The following CDK13 variants were observed in gnomAD, a reference collection of about 807,000 sequenced individuals.
CDK13 encodes the protein cyclin-dependent kinase 13.
In CDK13, 40 loss-of-function variants were observed where a neutral mutation model predicts 137.6. The observed-to-expected ratio is 0.29, with a 90% CI of 0.23 to 0.38. CDK13 has a LOEUF of 0.38. Among genes scored for constraint, CDK13 ranks in the 10% least tolerant of loss-of-function variants. CDK13 has a pLI of 1.00. For synonymous variants in CDK13, 869 were observed against 760.1 expected, an observed-to-expected ratio of 1.14 and a Z score of -2.36; for missense variants, 1,704 against 1,951.8, an observed-to-expected ratio of 0.87 and a Z score of 2.39.
intron 1 of CDK13, among the ~76,000 whole-genome samples, chr7:39,954,541 T>G (rs1787347316): frequency 1.3e-5 from 2 of 152,162 alleles, no homozygotes; most frequent in Non-Finnish European, 2.9e-5. Flanking sequence ...AAATGTTGAA[T>G]AGGTGTAAAT....
At chr7:40,003,153 T>TACACACACACACACACACAC (rs71560157) in intron 5 of CDK13, among the ~76,000 whole-genome samples, 3 of 119,894 alleles carry the variant, frequency 2.5e-5, no homozygotes, top group African/African-American at 1.0e-4. Flanking sequence ...CTTCCCCAGC[T>TACACACACACACACACACAC]ACACACACAC....
At chr7:40,091,202 G>A (rs774187736) in intron 12 of CDK13, among the ~76,000 whole-genome samples, 8 of 152,070 alleles carry the variant, frequency 5.3e-5, no homozygotes, top group Non-Finnish European at 8.8e-5. Flanking sequence ...AAAATTAGCC[G>A]GGCGTGGTGG....
At chr7:40,036,748 C>T (rs1785495227) in intron 5 of CDK13, among the ~76,000 whole-genome samples, 1 of 150,738 alleles carries the variant, frequency 6.6e-6, no homozygotes, top group Admixed American at 6.6e-5. Context: ...AAGTGAATCT[C>T]AGGCTCATTG....
intron 1 of CDK13, among the ~76,000 whole-genome samples, chr7:39,957,290 A>T (rs894390704): frequency 1.3e-5 from 2 of 151,580 alleles, no homozygotes; most frequent in African/African-American, 4.8e-5. Context: ...ATTCATCTAG[A>T]TAAAAGTTAG....
At chr7:40,082,975 C>T (rs191293834) in intron 11 of CDK13, among the ~76,000 whole-genome samples, 29 of 151,296 alleles carry the variant, frequency 1.9e-4, no homozygotes, top group Admixed American at 1.3e-3. Context: ...TGGTGGCACA[C>T]GCCTGTAATC....
chr7:40,082,719 AG>A (rs1392751349), intron 11 of CDK13, among the ~76,000 whole-genome samples: 1 of 146,990 alleles, frequency 6.8e-6, no homozygotes, highest in Non-Finnish European at 1.5e-5. Flanking sequence ...TGAGCCTGGG[AG>A]GTGGAGATTG....
intron 9 of CDK13, chr7:40,073,629 G>A (rs1263429743): frequency 7.0e-6 from 1 of 143,384 alleles, no homozygotes; most frequent in African/African-American, 2.7e-5. Flanking sequence ...GCCTCGCTGT[G>A]TTGCCAGGCT....
At chr7:40,022,167 CT>C (rs1360574546) in intron 5 of CDK13, among the ~76,000 whole-genome samples, 1 of 152,170 alleles carries the variant, frequency 6.6e-6, no homozygotes, top group Non-Finnish European at 1.5e-5. Context: ...CTTAGGGCCT[CT>C]TTTTGGTGTA....
intron 1 of CDK13, among the ~76,000 whole-genome samples, chr7:39,954,392 G>A (rs953644106): frequency 1.3e-5 from 2 of 152,186 alleles, no homozygotes; most frequent in Admixed American, 6.5e-5. Context: ...TTTATTTTCA[G>A]AATTTATTAC....
intron 1 of CDK13, among the ~76,000 whole-genome samples, chr7:39,982,572 A>G (rs1487803258): frequency 1.3e-5 from 2 of 152,108 alleles, no homozygotes; most frequent in Non-Finnish European, 2.9e-5. Context: ...CTAGTTCTAG[A>G]TCCCTGAGGA....
chr7:39,958,448 T>G (rs887252347), intron 1 of CDK13, among the ~76,000 whole-genome samples: 3 of 152,160 alleles, frequency 2.0e-5, no homozygotes, highest in African/African-American at 7.2e-5. Flanking sequence ...AAAAGGCCCC[T>G]TAGGTCCAGC....
chr7:39,969,991 C>T (rs1449062416), intron 1 of CDK13, among the ~76,000 whole-genome samples: 1 of 151,686 alleles, frequency 6.6e-6, no homozygotes, highest in African/African-American at 2.4e-5. Flanking sequence ...TAATGAAAAA[C>T]CAGTTTAGCA....
At position 39,951,233 on chromosome 7, in the gene CDK13, C is replaced by T. The variant is rs1787173360; in HGVS notation, c.592C>T (p.Pro198Ser). Residue 198 changes from proline to serine, a missense_variant, in exon 1 of 14, where the codon CCC becomes TCC. Physicochemically the swap from Pro to Ser is moderately conservative, Grantham distance 74. This residue lies in a region of CDK13 where 1,051 missense variants were observed against 931.0 expected (regional missense o/e 1.13). Transcript: ENST00000181839. Reference protein sequence around the residue: ...QRRGEGSERRPRRDRRSSSGR... With the variant: ...QRRGEGSERRSRRDRRSSSGR... Reference sequence around the variant, plus strand: ...GCGCGGGGAGGGGTCGGAGCGCAGGCCCCGCCGGGACCGCCGCAGCAGCAG... The same window carrying T: ...GCGCGGGGAGGGGTCGGAGCGCAGGTCCCGCCGGGACCGCCGCAGCAGCAG... The T allele has an allele frequency of 7.8e-7, 1 of 1,284,198 alleles. No homozygotes were observed. The highest frequency in any genetic ancestry group is 1.6e-5 in the African/African-American group (1 of 64,470). The allele number at this position is 1,284,198 out of a possible 1,614,324, so 79.6% of individuals were successfully genotyped here.
intron 5 of CDK13, among the ~76,000 whole-genome samples, chr7:40,003,214 T>A (rs1181626092): frequency 7.1e-4 from 101 of 141,928 alleles, no homozygotes; most frequent in African/African-American, 1.6e-3. Context: ...ACACTCTCTC[T>A]CTCTCTCTCT....
Position 40,096,844 on chromosome 7 carries a change from A to G in CDK13, c.*1864A>G, listed in dbSNP as rs1361645900. On this transcript the variant is annotated 3_prime_UTR_variant, in exon 14 of 14. Transcript: ENST00000181839. ...GAGAAAGAAATGAATGGAAGAAAAA[A>G]ATATGTTGCTTTTATTTGAATATTG... The G allele has an allele frequency of 6.6e-6, 1 of 152,154 alleles. No individual in the cohort carries two copies. Among genetic ancestry groups the G allele is most frequent in the Admixed American group, 6.5e-5 (1 of 15,268 alleles). The allele number at this position is 152,154 out of a possible 1,614,324, so 9.4% of individuals were successfully genotyped here. A position where few individuals can be genotyped will look rare whatever the true frequency, so the allele number is the denominator to read the frequency against.
rs1174858221 is a variant in CDK13, at chr7:39,976,288, G to GTCTCTCTCTCTCTCTCTCTC, written c.1212-11294_1212-11275dup. ...AGCCTGGGCAACAGAGCGAGATTCC[G>GTCTCTCTCTCTCTCTCTCTC]TCTCTCTCTCTCTCTCTCTCTCTCT... On this transcript the variant is annotated intron_variant, in intron 1 of 13. Coordinates refer to ENST00000181839, the MANE Select transcript of CDK13 (RefSeq NM_003718.5). Among the ~76,000 whole-genome samples the GTCTCTCTCTCTCTCTCTCTC allele has an allele frequency of 2.2e-3, 65 of 29,872 alleles. 6 individuals carry two copies. Among genetic ancestry groups the GTCTCTCTCTCTCTCTCTCTC allele is most frequent in the Admixed American group, 3.4e-3 (7 of 2,030 alleles). The allele number at this position is 29,872 out of a possible 152,430, so 19.6% of individuals were successfully genotyped here.
In CDK13 at chr7:40,078,423, A is replaced by T. The variant is rs149100256; in HGVS notation, c.2898-297A>T. 1.4e-3 allele frequency: 398 copies of T among 287,218 alleles called. 3 individuals carry two copies. Among genetic ancestry groups the T allele is most frequent in the African/African-American group, 8.2e-3 (376 of 46,030 alleles). 17.8% of individuals were successfully genotyped at this position (287,218 alleles called of 1,614,324 possible). ...CAAGTTTTCATTTTGCTTTAGAAAAAACTATACTGTTCAGTTCTTAATTTG... is the reference window on the plus strand; with the variant it reads ...CAAGTTTTCATTTTGCTTTAGAAAATACTATACTGTTCAGTTCTTAATTTG... On this transcript the variant is annotated intron_variant, in intron 10 of 13. Coordinates refer to ENST00000181839, the MANE Select transcript of CDK13 (RefSeq NM_003718.5).
At chr7:40,024,847 A>G (rs1452601465) in intron 5 of CDK13, among the ~76,000 whole-genome samples, 2 of 151,886 alleles carry the variant, frequency 1.3e-5, no homozygotes, top group Non-Finnish European at 2.9e-5. Context: ...TATTTTTAGT[A>G]AAGATGGGGT....
At position 40,078,720 on chromosome 7, in the gene CDK13, T is replaced by C. The variant is rs568399167; in HGVS notation, c.2898T>C (p.Phe966=). ...AACTTTTGTAATCCTCTCATGCTAG[T>C]ATTCCTGCAGCTGCGCTAGACTTAT... ...YRRKLREEFV[F]IPAAALDLFD... Residue 966 remains phenylalanine, a splice_region_variant and synonymous_variant, in exon 11 of 14, where the codon TTT becomes TTC. Coordinates refer to ENST00000181839, the MANE Select transcript of CDK13 (RefSeq NM_003718.5). 6 of 1,489,228 alleles carry C rather than the reference T, an allele frequency of 4.0e-6. No individual in the cohort carries two copies. Among genetic ancestry groups the C allele is most frequent in the Admixed American group, 2.0e-5 (1 of 48,908 alleles). The allele number at this position is 1,489,228 out of a possible 1,614,324, so 92.3% of individuals were successfully genotyped here.
Sources: allele counts gnomAD v4.1 joint callset (sites outside exome capture counted in the v4.1 genomes callset), GRCh38; gene constraint gnomAD v4.1.1; regional missense constraint gnomAD v4.1.1; transcripts MANE v1.5; gene names NCBI Gene and HGNC (gene_info 2026-07-23, HGNC 2026-07-21).